Variants in B3GALNT2 observed in about 807,000 individuals in gnomAD.
B3GALNT2 encodes the protein UDP-GalNAc:beta-1,3-N-acetylgalactosaminyltransferase 2.
B3GALNT2 carries 53 observed loss-of-function variants against 61.1 expected under a neutral mutation model. The ratio of observed to expected loss-of-function variants is 0.87; its 90% confidence interval spans 0.70 to 1.09. The LOEUF is 1.09. Among genes scored for constraint, B3GALNT2 ranks in the 50% least tolerant of loss-of-function variants. The probability of loss-of-function intolerance (pLI) is 0.00; values close to 1 mark genes in which losing one functional copy is unlikely to be tolerated. For missense variants in B3GALNT2, 544 were observed against 623.0 expected, an observed-to-expected ratio of 0.87 and a Z score of 1.35; for synonymous variants, 223 against 237.4, an observed-to-expected ratio of 0.94 and a Z score of 0.56.
chr1:235,467,775 C>T (rs1213739926), intron 6 of B3GALNT2, among the ~76,000 whole-genome samples: 4 of 148,356 alleles, frequency 2.7e-5, no homozygotes, highest in South Asian at 2.1e-4. Context: ...CCACCGCGCC[C>T]GGCCTACTTA....
At position 235,453,330 on chromosome 1, in the gene B3GALNT2, C is replaced by G. The variant is rs147423666; in HGVS notation, c.1312-184G>C. 4.1e-4 allele frequency among the ~76,000 whole-genome samples: 63 copies of G among 152,136 alleles called. 3 individuals are homozygous for G. In the East Asian group the frequency reaches 0.012, roughly 29 times the overall value. On this transcript the variant is annotated intron_variant, in intron 10 of 11. Coordinates refer to ENST00000366600, the MANE Select transcript of B3GALNT2 (RefSeq NM_152490.5). Reference sequence around the variant, plus strand: ...GCTAGTGGTCTTTAATATGAAGCACCCCTGCCACAAGGTAATAAGATGAAA... The same window carrying G: ...GCTAGTGGTCTTTAATATGAAGCACGCCTGCCACAAGGTAATAAGATGAAA...
chr1:235,487,029 C>T (rs1199831186), intron 3 of B3GALNT2, among the ~76,000 whole-genome samples: 1 of 151,960 alleles, frequency 6.6e-6, no homozygotes, highest in Non-Finnish European at 1.5e-5. Flanking sequence ...GGCGTGGTGG[C>T]GGGCACCTGT....
chr1:235,443,090 C>T (rs995535487), downstream of B3GALNT2: 7 of 658,920 alleles, frequency 1.1e-5, no homozygotes, highest in Non-Finnish European at 1.3e-5. Context: ...CCCCCATGCC[C>T]CCAAAAGTTC....
intron 5 of B3GALNT2, chr1:235,479,018 C>T (rs1684432992): frequency 1.3e-5 from 2 of 152,062 alleles, no homozygotes; most frequent in Admixed American, 6.6e-5. Context: ...CTGAGAGTAG[C>T]GTATTCAGAA....
intron 5 of B3GALNT2, 105 bp from the exon 6 acceptor site, chr1:235,471,065 A>G (rs2102815784): frequency 6.6e-7 from 1 of 1,518,770 alleles, no homozygotes; most frequent in Non-Finnish European, 8.8e-7. Context: ...CCCAAAACGT[A>G]TCATTTAAAA....
At chr1:235,476,314 G>A (rs538951120) in intron 5 of B3GALNT2, among the ~76,000 whole-genome samples, 305 of 152,330 alleles carry the variant, frequency 2.0e-3, no homozygotes, top group African/African-American at 7.2e-3. Flanking sequence ...AGGAGGCTGA[G>A]GCAGGAGAAT....
intron 5 of B3GALNT2, among the ~76,000 whole-genome samples, chr1:235,471,490 T>C (rs538457909): frequency 6.6e-6 from 1 of 152,304 alleles, no homozygotes; most frequent in African/African-American, 2.4e-5. Flanking sequence ...TTTTTATGGA[T>C]TTTGGTATAC....
chr1:235,474,483 T>C (rs1371587746), intron 5 of B3GALNT2, among the ~76,000 whole-genome samples: 5 of 152,106 alleles, frequency 3.3e-5, no homozygotes, highest in African/African-American at 7.2e-5. Flanking sequence ...TTCTTGTGGA[T>C]TGGAGAAATG....
rs1296376854 is a variant in B3GALNT2 at position 235,447,501 on chromosome 1, G to GTATGT, written c.*2700_*2704dup. ...ATTCCCATGCCTGGCAGTCACTTGT[G>GTATGT]TATGTTTAATACAGTTACACATGAT... On this transcript the variant is annotated 3_prime_UTR_variant, in exon 12 of 12. Coordinates refer to ENST00000366600, the MANE Select transcript of B3GALNT2 (RefSeq NM_152490.5). Among the ~76,000 whole-genome samples, 2 of 152,126 alleles carry GTATGT rather than the reference G, an allele frequency of 1.3e-5. No homozygotes were observed. The highest frequency in any genetic ancestry group is 2.9e-5 in the Non-Finnish European group (2 of 68,024).
At chr1:235,474,987 A>ATTTTTT (rs1160445883) in intron 5 of B3GALNT2, among the ~76,000 whole-genome samples, 26 of 35,566 alleles carry the variant, frequency 7.3e-4, no homozygotes, top group Admixed American at 1.5e-3. Context: ...ATATATATAT[A>ATTTTTT]TTTTTTTTTT....
At chr1:235,439,859 T>G in the B3GALNT2 span, among the ~76,000 whole-genome samples, 1 of 152,060 alleles carries the variant, frequency 6.6e-6, no homozygotes, top group South Asian at 2.1e-4. Context: ...TGGAGTGCAG[T>G]GGCACAATCT....
chr1:235,467,562 G>A (rs1006113776), intron 6 of B3GALNT2, among the ~76,000 whole-genome samples: 1 of 147,600 alleles, frequency 6.8e-6, no homozygotes, highest in Non-Finnish European at 1.5e-5. Context: ...TCGGCTCACT[G>A]CAACATCTGC....
At chr1:235,469,067 A>G (rs573510440) in intron 6 of B3GALNT2, among the ~76,000 whole-genome samples, 3 of 152,346 alleles carry the variant, frequency 2.0e-5, no homozygotes, top group Non-Finnish European at 4.4e-5. Flanking sequence ...ATAACTACAT[A>G]TGAATCTATG....
At chr1:235,456,646 G>A (rs183631050) in intron 8 of B3GALNT2, among the ~76,000 whole-genome samples, 14 of 152,208 alleles carry the variant, frequency 9.2e-5, no homozygotes, top group Admixed American at 6.5e-4. Flanking sequence ...CTATGGGGAC[G>A]CAGGTCCCAG....
At position 235,477,359 on chromosome 1, in the gene B3GALNT2, TTAAG is replaced by T. The variant is rs1684337606; in HGVS notation, c.651+2691_651+2694del. ...ATACAGATATCATGAATTTTTAACT[TTAAG>T]TATTTCAGCATGTATTTCCTAAGAA... On this transcript the variant is annotated intron_variant, in intron 5 of 11. Transcript: ENST00000366600. 3.9e-5 allele frequency among the ~76,000 whole-genome samples: 6 copies of T among 152,104 alleles called. No individual in the cohort carries two copies. The South Asian group carries it at 1.2e-3, about 32-fold the overall frequency.
the B3GALNT2 span, among the ~76,000 whole-genome samples, chr1:235,440,331 C>T: frequency 1.3e-5 from 2 of 152,012 alleles, no homozygotes; most frequent in East Asian, 1.9e-4. Flanking sequence ...TTTCAGGTGG[C>T]GCACCATGCT....
chr1:235,480,155 A>G lies in B3GALNT2; in HGVS notation c.556-6T>C, dbSNP rs767845870. On this transcript the variant is annotated splice_region_variant and splice_polypyrimidine_tract_variant and intron_variant, in intron 4 of 11. Coordinates refer to ENST00000366600, the MANE Select transcript of B3GALNT2 (RefSeq NM_152490.5). The stretch of plus-strand genomic sequence containing the variant: ...CGAGCAATGAAGAGGGCCTCCTACA[A>G]ATTGGGAGAAAAAGACAAGAAAAAA... 1 of 1,612,790 alleles carries G rather than the reference A, an allele frequency of 6.2e-7. No homozygotes were observed. The highest frequency in any genetic ancestry group is 8.5e-7 in the Non-Finnish European group (1 of 1,179,424).
rs1007374424 is a variant in B3GALNT2 at position 235,487,845 on chromosome 1, G to A, written c.361+1323C>T. On this transcript the variant is annotated intron_variant, in intron 3 of 11. Coordinates refer to ENST00000366600, the MANE Select transcript of B3GALNT2 (RefSeq NM_152490.5). Reference sequence around the variant, plus strand: ...GTCACCCAGGCTGGAGTGCAGTAGCGGAAGCAGATCATAGCTTACTGCAGC... The same window carrying A: ...GTCACCCAGGCTGGAGTGCAGTAGCAGAAGCAGATCATAGCTTACTGCAGC... 1.1e-4 allele frequency among the ~76,000 whole-genome samples: 16 copies of A among 152,190 alleles called. No homozygotes were observed. In the East Asian group the frequency reaches 2.1e-3, roughly 20 times the overall value.
chr1:235,461,035 G>T (rs1304803124), intron 7 of B3GALNT2, among the ~76,000 whole-genome samples: 1 of 152,164 alleles, frequency 6.6e-6, no homozygotes, highest in African/African-American at 2.4e-5. Context: ...GGCAGGAGAC[G>T]TCAGGATTTC....
Sources: gnomAD v4.1 joint callset for allele counts (sites outside exome capture counted in the v4.1 genomes callset) on GRCh38, gnomAD v4.1.1 for gene constraint, MANE v1.5 for transcripts, NCBI Gene and HGNC (gene_info 2026-07-23, HGNC 2026-07-21) for gene names.